Variants in PVT1 observed in about 807,000 individuals in gnomAD.
PVT1 encodes Pvt1 oncogene, also known as CXCR4/PVT1 fusion.
At chr8:127,881,694 T>C (rs1158657090) in intron 2 of PVT1, among the ~76,000 whole-genome samples, 1 of 152,030 alleles carries the variant, frequency 6.6e-6, no homozygotes, top group African/African-American at 2.4e-5. Flanking sequence ...TGACCTTAGG[T>C]GATCCACTTG....
At chr8:128,040,563 A>G (rs1021867737) in intron 4 of PVT1, among the ~76,000 whole-genome samples, 2 of 152,256 alleles carry the variant, frequency 1.3e-5, no homozygotes, top group Admixed American at 6.5e-5. Context: ...AATTTATGCA[A>G]AAATGGATAT....
chr8:128,082,058 C>T (rs1814188972), intron 5 of PVT1, among the ~76,000 whole-genome samples: 1 of 152,170 alleles, frequency 6.6e-6, no homozygotes, highest in Non-Finnish European at 1.5e-5. Context: ...GAGTACAAGG[C>T]CACTATAGCT....
intron 2 of PVT1, among the ~76,000 whole-genome samples, chr8:127,815,242 C>T (rs1321740353): frequency 2.6e-5 from 4 of 152,228 alleles, no homozygotes; most frequent in Non-Finnish European, 4.4e-5. Flanking sequence ...GCTGGGATTA[C>T]AGGCATGAGC....
intron 3 of PVT1, among the ~76,000 whole-genome samples, chr8:127,903,300 G>A (rs1448226653): frequency 6.6e-6 from 1 of 151,990 alleles, no homozygotes; most frequent in African/African-American, 2.4e-5. Flanking sequence ...TTTGCTTTTT[G>A]ATTTAAGTTC....
intron 3 of PVT1, among the ~76,000 whole-genome samples, chr8:127,973,543 T>C (rs1023862784): frequency 7.9e-5 from 12 of 152,070 alleles, no homozygotes; most frequent in African/African-American, 2.7e-4. Context: ...CACCCCTGCT[T>C]GGACTTTCAG....
At chr8:127,952,335 ACTGT>A (rs1816515454) in intron 3 of PVT1, among the ~76,000 whole-genome samples, 1 of 152,138 alleles carries the variant, frequency 6.6e-6, no homozygotes, top group Admixed American at 6.5e-5. Context: ...AACCTGTTAA[ACTGT>A]CTAAGAAGCT....
At chr8:128,094,755 A>T (rs1814404077) in intron 5 of PVT1, among the ~76,000 whole-genome samples, 1 of 152,206 alleles carries the variant, frequency 6.6e-6, no homozygotes, top group South Asian at 2.1e-4. Flanking sequence ...GGTCCAAGCC[A>T]TGAAAACCAT....
chr8:127,841,908 T>C (rs1001032289), intron 2 of PVT1, among the ~76,000 whole-genome samples: 2 of 151,992 alleles, frequency 1.3e-5, no homozygotes, highest in African/African-American at 4.8e-5. Context: ...GTCTTTTTAG[T>C]AGAGACGGGG....
intron 2 of PVT1, among the ~76,000 whole-genome samples, chr8:127,843,879 A>T (rs1354592300): frequency 1.3e-5 from 2 of 151,802 alleles, no homozygotes; most frequent in African/African-American, 2.4e-5. Flanking sequence ...TGCTTGGACG[A>T]TGCCTTCCAA....
intron 2 of PVT1, among the ~76,000 whole-genome samples, chr8:127,860,050 C>A (rs1815203466): frequency 6.6e-6 from 1 of 152,292 alleles, no homozygotes; most frequent in South Asian, 2.1e-4. Context: ...CTGCGGCTGC[C>A]AGCGGTGATG....
chr8:127,939,174 T>A (rs1170061235), intron 3 of PVT1, among the ~76,000 whole-genome samples: 2 of 152,216 alleles, frequency 1.3e-5, no homozygotes, highest in African/African-American at 4.8e-5. Flanking sequence ...TTCTCCCCTA[T>A]CCTCACCTGC....
intron 5 of PVT1, among the ~76,000 whole-genome samples, chr8:128,073,151 T>C (rs1317596610): frequency 2.0e-5 from 3 of 152,014 alleles, no homozygotes; most frequent in Admixed American, 1.3e-4. Context: ...CATTTTTAGA[T>C]GTAGACCTGG....
intron 4 of PVT1, among the ~76,000 whole-genome samples, chr8:128,007,091 CAA>C (rs1742991528): frequency 6.6e-6 from 1 of 152,144 alleles, no homozygotes; most frequent in African/African-American, 2.4e-5. Context: ...AAATGAAAGA[CAA>C]AGAATGACTG....
rs1218224005 is a variant in PVT1, at chr8:127,984,991, CTCTTTCCTTCCT to C, written n.783-4168_783-4157del. ...CCCTCCTTCCTTCCTTTCTTTCTTT[CTCTTTCCTTCCT>C]TCCTTCCTTCCTTCCTTCCTTCCTT... On this transcript the variant is annotated intron_variant and non_coding_transcript_variant, in intron 3 of 10. Coordinates refer to ENST00000651587, the Ensembl canonical transcript of PVT1. Among the ~76,000 whole-genome samples, 164 of 65,836 alleles carry C rather than the reference CTCTTTCCTTCCT, an allele frequency of 2.5e-3. 17 individuals are homozygous for C. Among genetic ancestry groups the C allele is most frequent in the Non-Finnish European group, 3.5e-3 (122 of 34,668 alleles). The allele number at this position is 65,836 out of a possible 152,430, so 43.2% of individuals were successfully genotyped here. A position where few individuals can be genotyped will look rare whatever the true frequency, so the allele number is the denominator to read the frequency against.
At chr8:127,897,350 A>G (rs763854555) in intron 3 of PVT1, among the ~76,000 whole-genome samples, 1 of 152,184 alleles carries the variant, frequency 6.6e-6, no homozygotes, top group Non-Finnish European at 1.5e-5. Context: ...TCTTAAGAGG[A>G]GGGAGCATAT....
chr8:127,814,548 A>T (rs888596465), intron 2 of PVT1, among the ~76,000 whole-genome samples: 1 of 152,160 alleles, frequency 6.6e-6, no homozygotes, highest in Non-Finnish European at 1.5e-5. Context: ...GGCTAATTTA[A>T]TCTCCCTAGC....
intron 2 of PVT1, among the ~76,000 whole-genome samples, chr8:127,881,756 C>T (rs764489763): frequency 1.8e-4 from 27 of 152,004 alleles, no homozygotes; most frequent in Non-Finnish European, 2.9e-4. Flanking sequence ...CACACCCGGC[C>T]TATTATTATT....
At position 127,982,651 on chromosome 8, in the gene PVT1, A is replaced by ATAATTAAT. The variant is rs35546489; in HGVS notation, n.783-6490_783-6483dup. Among the ~76,000 whole-genome samples the ATAATTAAT allele has an allele frequency of 9.2e-3, 1,344 of 146,038 alleles. 6 individuals carry two copies. The highest frequency in any genetic ancestry group is 0.012 in the Non-Finnish European group (805 of 67,444). On this transcript the variant is annotated intron_variant and non_coding_transcript_variant, in intron 3 of 10. Coordinates refer to ENST00000651587, the Ensembl canonical transcript of PVT1. ...ACAGTGAGACTCTGCCTCTACAAAAATAATTAATTAATTAATTAATTAATT... is the reference window on the plus strand; with the variant it reads ...ACAGTGAGACTCTGCCTCTACAAAAATAATTAATTAATTAATTAATTAATTAATTAATT...
At chr8:127,825,117 T>TAAAAAAAAA (rs58377389) in intron 2 of PVT1, among the ~76,000 whole-genome samples, 7 of 81,038 alleles carry the variant, frequency 8.6e-5, no homozygotes, top group African/African-American at 2.0e-4. Flanking sequence ...AAACACTAGC[T>TAAAAAAAAA]AAAAAAAAAA....
Sources: gnomAD v4.1 joint callset for allele counts (sites outside exome capture counted in the v4.1 genomes callset) on GRCh38, gnomAD v4.1.1 for gene constraint, MANE v1.5 for transcripts, NCBI Gene and HGNC (gene_info 2026-07-23, HGNC 2026-07-21) for gene names.